The following LAMA2 variants were observed in gnomAD, a reference collection of about 807,000 sequenced individuals.
The protein encoded by LAMA2 is laminin subunit alpha-2.
In LAMA2, 269 loss-of-function variants were observed where a neutral mutation model predicts 364.8. The ratio of observed to expected loss-of-function variants is 0.74; its 90% CI spans 0.67 to 0.82. The LOEUF is 0.82. Ranked by LOEUF, LAMA2 falls within the 40% of genes least tolerant of loss-of-function variation. The probability of loss-of-function intolerance (pLI) is 0.00; values close to 1 mark genes in which losing one functional copy is unlikely to be tolerated. For missense variants in LAMA2, 3,807 were observed against 3,873.2 expected, an observed-to-expected ratio of 0.98 and a Z score of 0.45; for synonymous variants, 1,379 against 1,370.6, an observed-to-expected ratio of 1.01 and a Z score of -0.14.
At chr6:129,462,816 C>A (rs763458317) in intron 49 of LAMA2, among the ~76,000 whole-genome samples, 54 of 151,940 alleles carry the variant, frequency 3.6e-4, no homozygotes, top group Non-Finnish European at 2.1e-4. Context: ...AAAGAGCAAT[C>A]ATTCCTACTA....
intron 56 of LAMA2, among the ~76,000 whole-genome samples, chr6:129,487,373 C>G (rs970092148): frequency 6.6e-6 from 1 of 152,096 alleles, no homozygotes; most frequent in Non-Finnish European, 1.5e-5. Context: ...TGTATGACAA[C>G]TCAGAGAGAT....
At chr6:128,981,057 A>G (rs1582815437) in intron 1 of LAMA2, among the ~76,000 whole-genome samples, 1 of 152,128 alleles carries the variant, frequency 6.6e-6, no homozygotes, top group East Asian at 1.9e-4. Flanking sequence ...AGGACATTCT[A>G]ATCATCTAGA....
At chr6:129,241,307 A>C (rs1310924864) in intron 12 of LAMA2, among the ~76,000 whole-genome samples, 1 of 152,224 alleles carries the variant, frequency 6.6e-6, no homozygotes, top group African/African-American at 2.4e-5. Context: ...GAATTGGGCC[A>C]TCACTATGAT....
At chr6:129,040,531 A>G (rs1168748301) in intron 1 of LAMA2, among the ~76,000 whole-genome samples, 1 of 152,218 alleles carries the variant, frequency 6.6e-6, no homozygotes, top group Non-Finnish European at 1.5e-5. Context: ...CAGGATGCTC[A>G]GGCAAGAGGA....
rs34252072 is a variant in LAMA2, at chr6:129,516,022, A to ATCTT, written c.9212-160_9212-157dup. 0.29 allele frequency among the ~76,000 whole-genome samples: 44,152 copies of ATCTT among 151,832 alleles called. 7,124 individuals carry two copies. The highest frequency in any genetic ancestry group is 0.37 in the East Asian group (1,922 of 5,154). On this transcript the variant is annotated intron_variant, in intron 64 of 64. Coordinates refer to ENST00000421865, the MANE Select transcript of LAMA2 (RefSeq NM_000426.4). ...ACCTGTCTCAAAAAATTTTAAGTTG[A>ATCTT]TCTTTCTTTCTCTACAATTCTATTA...
In LAMA2 at chr6:129,284,993, C is replaced by T. The variant is rs535425376; in HGVS notation, c.2538-2854C>T. 4.1e-4 allele frequency among the ~76,000 whole-genome samples: 62 copies of T among 152,172 alleles called. 1 individual carries two copies. The highest frequency in any genetic ancestry group is 3.9e-3 in the South Asian group (19 of 4,812). On this transcript the variant is annotated intron_variant, in intron 18 of 64. Transcript: ENST00000421865. ...ATTCGATAAACTATTTTTAAAAATG[C>T]ACTCATTCTGCCTTGCATATGAAAA...
chr6:129,157,109 T>C lies in LAMA2; in HGVS notation c.1206+2426T>C, dbSNP rs548575317. ...AAAGGTGGAATACAAACGAACTGAA[T>C]GTCTCAGGTAAAAGGCAAAGTCTAT... On this transcript the variant is annotated intron_variant, in intron 8 of 64. Transcript: ENST00000421865. Among the ~76,000 whole-genome samples the C allele has an allele frequency of 8.5e-5, 13 of 152,248 alleles. No individual in the cohort carries two copies. In the South Asian group the frequency reaches 2.7e-3, roughly 32 times the overall value.
At chr6:128,884,550 C>A (rs1776040183) in intron 1 of LAMA2, among the ~76,000 whole-genome samples, 2 of 151,998 alleles carry the variant, frequency 1.3e-5, no homozygotes, top group African/African-American at 4.8e-5. Context: ...AAAGAGATAT[C>A]CCAAGCTCTT....
intron 1 of LAMA2, among the ~76,000 whole-genome samples, chr6:128,934,087 T>C (rs1374960803): frequency 6.6e-6 from 1 of 152,238 alleles, no homozygotes; most frequent in Admixed American, 6.5e-5. Context: ...ATTTCAGTCT[T>C]GAATCCATTT....
At position 129,252,088 on chromosome 6, in the gene LAMA2, ATGACT is replaced by A. The variant is rs746844753; in HGVS notation, c.1893_1897del (p.Asp631GlufsTer8). 6.8e-6 allele frequency: 11 copies of A among 1,609,866 alleles called. No individual in the cohort carries two copies. The South Asian group carries it at 7.7e-5, about 11-fold the overall frequency. On this transcript the variant is annotated frameshift_variant, in exon 14 of 65. Coordinates refer to ENST00000421865, the MANE Select transcript of LAMA2 (RefSeq NM_000426.4). LOFTEE classifies it high-confidence loss of function. ...TTCTTTTTTTTCCCCCTTTAGGGTA[ATGACT>A]TGAGCATCAGCACAGCCCAAGATGA...
At chr6:129,133,651 C>T (rs1345910940) in intron 4 of LAMA2, among the ~76,000 whole-genome samples, 1 of 152,112 alleles carries the variant, frequency 6.6e-6, no homozygotes, top group Admixed American at 6.5e-5. Flanking sequence ...GAGCTTGTGT[C>T]TCTGCTTAAA....
intron 41 of LAMA2, among the ~76,000 whole-genome samples, chr6:129,429,616 C>T (rs1344813548): frequency 6.6e-6 from 1 of 152,192 alleles, no homozygotes; most frequent in East Asian, 1.9e-4. Flanking sequence ...CAGCAGGTAC[C>T]TCTTATTACA....
chr6:129,194,344 C>A (rs1781714043), intron 12 of LAMA2, among the ~76,000 whole-genome samples: 1 of 152,104 alleles, frequency 6.6e-6, no homozygotes, highest in Admixed American at 6.6e-5. Context: ...ACCAGATTTT[C>A]CATCCTTTCT....
rs1465306486 is a variant in LAMA2 at position 129,445,660 on chromosome 6, T to A, written c.6275-7T>A. ...ATATACATGCACACTAATTTTGTTC[T>A]ATGCAGTTGCCGATGCAGATGCCAC... On this transcript the variant is annotated splice_region_variant and splice_polypyrimidine_tract_variant and intron_variant, in intron 44 of 64. Coordinates refer to ENST00000421865, the MANE Select transcript of LAMA2 (RefSeq NM_000426.4). 2 of 1,613,512 alleles carry A rather than the reference T, an allele frequency of 1.2e-6. No individual in the cohort carries two copies. Among genetic ancestry groups the A allele is most frequent in the Non-Finnish European group, 1.7e-6 (2 of 1,179,602 alleles).
At chr6:129,262,614 T>A (rs1286719688) in intron 15 of LAMA2, among the ~76,000 whole-genome samples, 2 of 152,202 alleles carry the variant, frequency 1.3e-5, no homozygotes, top group Non-Finnish European at 2.9e-5. Flanking sequence ...TTTGGAACTT[T>A]GGATTTTCTC....
At chr6:129,314,503 A>G in intron 23 of LAMA2, 152 bp from the exon 24 acceptor site, 1 of 697,698 alleles carries the variant, frequency 1.4e-6, no homozygotes, top group Admixed American at 2.1e-5. Flanking sequence ...GGTTAACTAC[A>G]TGTGCCATTT....
rs142451929 is a variant in LAMA2, at chr6:129,505,238, T to C, written c.8586T>C (p.Tyr2862=). 1,149 of 1,613,948 alleles carry C rather than the reference T, an allele frequency of 7.1e-4. 3 individuals are homozygous for C. The highest frequency in any genetic ancestry group is 1.6e-3 in the Middle Eastern group (10 of 6,062). The change falls in exon 61 of 65, where the codon TAT becomes TAC. Residue 2862 remains tyrosine, a synonymous_variant. Coordinates refer to ENST00000421865, the MANE Select transcript of LAMA2 (RefSeq NM_000426.4). ...GAAGTAAGCAAGAAGGAATTCTTTA[T>C]GTAGATGGGGCTTCCAACAGAACCA... ...IMRSKQEGIL[Y]VDGASNRTIS... is the part of the protein sequence containing the mutation.
intron 12 of LAMA2, among the ~76,000 whole-genome samples, chr6:129,193,996 T>C (rs1030332351): frequency 1.3e-4 from 20 of 152,182 alleles, no homozygotes; most frequent in African/African-American, 4.8e-4. Context: ...AATGAACATG[T>C]ATTTTAAGAG....
At chr6:129,191,446 G>A (rs375730438) in intron 11 of LAMA2, among the ~76,000 whole-genome samples, 2 of 152,130 alleles carry the variant, frequency 1.3e-5, no homozygotes, top group South Asian at 4.1e-4. Context: ...TTCCTCTTTT[G>A]TTTATAAAGT....
Sources: gnomAD v4.1 joint callset for allele counts (sites outside exome capture counted in the v4.1 genomes callset) on GRCh38, gnomAD v4.1.1 for gene constraint, MANE v1.5 for transcripts, NCBI Gene and HGNC (gene_info 2026-07-23, HGNC 2026-07-21) for gene names.